RPS6KA3: variants seen among roughly 807,000 people sequenced by gnomAD.
The protein encoded by RPS6KA3 is ribosomal protein S6 kinase alpha-3.
A neutral mutation model predicts 67.2 loss-of-function variants in RPS6KA3; 4 were observed. That is an observed-to-expected ratio of 0.06 (90% CI 0.03 to 0.14). The LOEUF (loss-of-function observed/expected upper bound fraction) is 0.14, where lower values mean the gene tolerates loss of function less well. RPS6KA3 is among the 10% of genes least tolerant of loss of function. The probability of loss-of-function intolerance (pLI) is 1.00; values close to 1 mark genes in which losing one functional copy is unlikely to be tolerated. For missense variants in RPS6KA3, 204 were observed against 559.0 expected, an observed-to-expected ratio of 0.36 and a Z score of 6.40; for synonymous variants, 182 against 183.7, an observed-to-expected ratio of 0.99 and a Z score of 0.07.
intron 19 of RPS6KA3, among the ~76,000 whole-genome samples, chrX:20,162,335 CA>C (rs75392752): frequency 0.016 from 583 of 36,608 alleles, 3 homozygotes; most frequent in African/African-American, 0.047. Flanking sequence ...GACTCCGTCT[CA>C]AAAAAAAAAA....
chrX:20,232,594 C>A lies in RPS6KA3; in HGVS notation c.126+2164G>T, dbSNP rs773287896. Among the ~76,000 whole-genome samples the A allele has an allele frequency of 3.6e-5, 4 of 109,996 alleles. No individual in the cohort carries two copies. In the South Asian group the frequency reaches 1.5e-3, roughly 43 times the overall value. ...CTCAAAAAACAAACAAACAAACAAA[C>A]AAAAAACAAACAAACAAAAAACTTC... On this transcript the variant is annotated intron_variant, in intron 2 of 21. Coordinates refer to ENST00000379565, the MANE Select transcript of RPS6KA3 (RefSeq NM_004586.3).
In RPS6KA3 at chrX:20,180,309, C is replaced by G. The variant is rs764201306; in HGVS notation, c.846-3225G>C. Among the ~76,000 whole-genome samples the G allele has an allele frequency of 5.4e-5, 6 of 110,304 alleles. No individual in the cohort carries two copies. In the South Asian group the frequency reaches 2.3e-3, roughly 43 times the overall value. On this transcript the variant is annotated intron_variant, in intron 10 of 21. Transcript: ENST00000379565. The stretch of plus-strand genomic sequence containing the variant: ...TGTAAGCCTCCTGATGTAATAGGGA[C>G]CACACGGTATTAGCTGTGAAATAAT...
At chrX:20,222,650 T>G (rs2069012271) in intron 2 of RPS6KA3, among the ~76,000 whole-genome samples, 1 of 111,987 alleles carries the variant, frequency 8.9e-6, no homozygotes, top group African/African-American at 3.2e-5. Flanking sequence ...CTTTTTTTTG[T>G]CAGAAATTTT....
chrX:20,209,886 C>T (rs2068667203), intron 2 of RPS6KA3, among the ~76,000 whole-genome samples: 2 of 112,188 alleles, frequency 1.8e-5, no homozygotes, highest in East Asian at 2.8e-4. Flanking sequence ...CCAGGGTAAA[C>T]ATGGAGATTT....
At chrX:20,177,172 A>C in intron 10 of RPS6KA3, 88 bp from the exon 11 acceptor site, 1 of 634,000 alleles carries the variant, frequency 1.6e-6, no homozygotes, top group Non-Finnish European at 2.6e-6. Context: ...TTTTTGAGAT[A>C]CTTGTAGATT....
In RPS6KA3 at chrX:20,232,908, G is replaced by C. The variant is rs1327410413; in HGVS notation, c.126+1850C>G. 7.1e-5 allele frequency among the ~76,000 whole-genome samples: 8 copies of C among 112,239 alleles called. No homozygotes were observed. In the Admixed American group the frequency reaches 7.5e-4, roughly 11 times the overall value. On this transcript the variant is annotated intron_variant, in intron 2 of 21. Coordinates refer to ENST00000379565, the MANE Select transcript of RPS6KA3 (RefSeq NM_004586.3). ...CCAGAACTTTGGGAGGCGAAGATGG[G>C]TGGATCACTTGAGGTCAGGAGTTCG...
chrX:20,196,535 G>A (rs750165324), intron 4 of RPS6KA3, among the ~76,000 whole-genome samples: 31 of 111,721 alleles, frequency 2.8e-4, no homozygotes, highest in Middle Eastern at 4.6e-3. Context: ...AAGTTGAGTT[G>A]GTTTTATTTT....
At chrX:20,173,214 C>T (rs1241685563) in intron 14 of RPS6KA3, among the ~76,000 whole-genome samples, 1 of 111,309 alleles carries the variant, frequency 9.0e-6, no homozygotes, top group Admixed American at 9.6e-5. Flanking sequence ...AGTACCTTTG[C>T]AAATGAGAAG....
chrX:20,207,746 C>G (rs1011642586), intron 3 of RPS6KA3, among the ~76,000 whole-genome samples: 1 of 111,829 alleles, frequency 8.9e-6, no homozygotes, highest in Non-Finnish European at 1.9e-5. Flanking sequence ...ACAACCATTA[C>G]GCTCTGATGG....
intron 10 of RPS6KA3, among the ~76,000 whole-genome samples, chrX:20,182,539 TACA>T (rs1569210702): frequency 2.7e-5 from 3 of 112,459 alleles, no homozygotes; most frequent in African/African-American, 9.7e-5. Flanking sequence ...AGAGCGTAAA[TACA>T]ACAACTTCTA....
intron 1 of RPS6KA3, 67 bp downstream of exon 1, chrX:20,266,497 G>A (rs2070389845): frequency 2.2e-6 from 2 of 911,519 alleles, no homozygotes; most frequent in African/African-American, 2.0e-5. Context: ...CAGCTCCGGG[G>A]AGCGAAGCGA....
At chrX:20,182,553 T>C (rs2067870646) in intron 10 of RPS6KA3, among the ~76,000 whole-genome samples, 1 of 112,557 alleles carries the variant, frequency 8.9e-6, no homozygotes, top group Non-Finnish European at 1.9e-5. Context: ...ACAACTTCTA[T>C]TGTATTCGAC....
chrX:20,162,485 T>C (rs2067329092), intron 19 of RPS6KA3, among the ~76,000 whole-genome samples: 1 of 109,156 alleles, frequency 9.2e-6, no homozygotes, highest in Admixed American at 9.8e-5. Flanking sequence ...TGTTACAGAA[T>C]TGTATATATT....
intron 10 of RPS6KA3, among the ~76,000 whole-genome samples, chrX:20,179,313 C>T (rs2067785358): frequency 9.0e-6 from 1 of 111,200 alleles, no homozygotes; most frequent in Admixed American, 9.6e-5. Context: ...TAAATAGAAA[C>T]ACAGGTCTAA....
At chrX:20,209,632 T>C (rs2148732839) in intron 2 of RPS6KA3, among the ~76,000 whole-genome samples, 1 of 111,705 alleles carries the variant, frequency 9.0e-6, no homozygotes, top group African/African-American at 3.3e-5. Flanking sequence ...AGACAGTTAT[T>C]ATACCAGCCT....
At chrX:20,163,474 C>T (rs1283488262) in intron 18 of RPS6KA3, among the ~76,000 whole-genome samples, 1 of 92,744 alleles carries the variant, frequency 1.1e-5, no homozygotes, top group Non-Finnish European at 2.0e-5. Context: ...TGATTTCCCC[C>T]CCAAAAAAAA....
chrX:20,243,959 C>T (rs1157011125), intron 1 of RPS6KA3, among the ~76,000 whole-genome samples: 4 of 111,181 alleles, frequency 3.6e-5, no homozygotes, highest in African/African-American at 1.3e-4. Flanking sequence ...AACATTTAAC[C>T]ATGACTAAAC....
intron 2 of RPS6KA3, among the ~76,000 whole-genome samples, chrX:20,229,422 C>T (rs1260120160): frequency 8.9e-6 from 1 of 111,851 alleles, no homozygotes; most frequent in Admixed American, 9.5e-5. Flanking sequence ...AGATCCTTCC[C>T]TAGTCAAGTT....
intron 1 of RPS6KA3, among the ~76,000 whole-genome samples, chrX:20,249,653 T>C (rs1425158478): frequency 1.8e-5 from 2 of 112,435 alleles, no homozygotes; most frequent in Non-Finnish European, 3.8e-5. Flanking sequence ...CTTGTCTTTG[T>C]TATTGCTGAG....
Sources: gnomAD v4.1 joint callset for allele counts (sites outside exome capture counted in the v4.1 genomes callset) on GRCh38, gnomAD v4.1.1 for gene constraint, MANE v1.5 for transcripts, NCBI Gene and HGNC (gene_info 2026-07-23, HGNC 2026-07-21) for gene names.